The following LIMK1 variants were observed in gnomAD, a reference collection of about 807,000 sequenced individuals.
LIMK1 encodes the protein LIM motif-containing protein kinase.
Under a neutral mutation model 77.6 loss-of-function variants are expected in LIMK1, and 21 were observed. The observed-to-expected ratio is 0.27, with a 90% CI of 0.19 to 0.39. The LOEUF is 0.39. Among genes scored for constraint, LIMK1 ranks in the 10% least tolerant of loss-of-function variants. LIMK1 has a pLI of 1.00. For missense variants in LIMK1, 696 were observed against 901.6 expected, an observed-to-expected ratio of 0.77 and a Z score of 2.92; for synonymous variants, 358 against 370.0, an observed-to-expected ratio of 0.97 and a Z score of 0.37.
Position 74,121,252 on chromosome 7 carries a change from A to T in LIMK1, c.1895A>T (p.Tyr632Phe). The T allele has an allele frequency of 6.2e-7, 1 of 1,613,170 alleles. No individual in the cohort carries two copies. Among genetic ancestry groups the T allele is most frequent in the Non-Finnish European group, 8.5e-7 (1 of 1,179,858 alleles). ...CTGGACAGAGGTTTCTGGGAGACCTACCGGCGCGGCGAGAGCGGACTGCCT... is the reference window on the plus strand; with the variant it reads ...CTGGACAGAGGTTTCTGGGAGACCTTCCGGCGCGGCGAGAGCGGACTGCCT... ...EQLDRGFWET[Y>F]RRGESGLPAH... Residue 632 changes from tyrosine to phenylalanine, a missense_variant, in exon 16 of 16, where the codon TAC (tyrosine) becomes TTC (phenylalanine). Physicochemically the swap from Tyr to Phe is conservative, Grantham distance 22. Around this residue, in one of 3 missense-constraint regions of LIMK1, gnomAD observed 438 missense variants for 602.3 expected, o/e 0.73. Transcript: ENST00000336180.
rs782185429 is a variant in LIMK1 at position 74,099,115 on chromosome 7, C to T, written c.485C>T (p.Thr162Ile). 1 of 1,613,810 alleles carries T rather than the reference C, an allele frequency of 6.2e-7. No individual in the cohort carries two copies. ...TCCCCTGGCTCCCACCTGCCCCACA[C>T]CGTCACCCTGGTGTCCATCCCAGCC... ...PDSPGSHLPH[T>I]VTLVSIPASS... Residue 162 changes from threonine to isoleucine, a missense_variant, in exon 5 of 16, where the codon ACC becomes ATC. Physicochemically the swap from Thr to Ile is moderately conservative, Grantham distance 89. Coordinates refer to ENST00000336180, the MANE Select transcript of LIMK1 (RefSeq NM_002314.4).
chr7:74,107,280 A>G (rs1554697821), intron 8 of LIMK1, 87 bp downstream of exon 8: 1 of 1,407,638 alleles, frequency 7.1e-7, no homozygotes, highest in African/African-American at 1.4e-5. Flanking sequence ...ACACAGTGGA[A>G]GGGGTATCTG....
At chr7:74,093,269 C>G in intron 2 of LIMK1, 1 of 1,536,026 alleles carries the variant, frequency 6.5e-7, no homozygotes, top group Non-Finnish European at 8.7e-7. Context: ...GCTTCAGCCC[C>G]AAGAAGACGC....
intron 5 of LIMK1, 97 bp from the exon 6 acceptor site, chr7:74,105,778 C>T (rs1187135426): frequency 1.2e-5 from 9 of 765,096 alleles, no homozygotes; most frequent in East Asian, 2.7e-5. Flanking sequence ...TAGAATCCTC[C>T]ACCTGCTCAC....
intron 13 of LIMK1, among the ~76,000 whole-genome samples, chr7:74,117,943 A>G (rs1236052058): frequency 6.6e-6 from 1 of 151,876 alleles, no homozygotes; most frequent in Admixed American, 6.6e-5. Context: ...CGCTGTCTCT[A>G]CTGAAAATAC....
At chr7:74,098,354 A>T (rs1554696011) in intron 4 of LIMK1, among the ~76,000 whole-genome samples, 1 of 152,158 alleles carries the variant, frequency 6.6e-6, no homozygotes, top group Non-Finnish European at 1.5e-5. Context: ...TACAACACTG[A>T]TCAAGCTGGA....
intron 2 of LIMK1, among the ~76,000 whole-genome samples, chr7:74,090,679 G>T (rs991825698): frequency 6.6e-6 from 1 of 152,158 alleles, no homozygotes; most frequent in Non-Finnish European, 1.5e-5. Flanking sequence ...TTGTTCCAGG[G>T]CCCCTCACCC....
At chr7:74,084,767 TC>T (rs1554693821) in intron 1 of LIMK1, among the ~76,000 whole-genome samples, 1 of 151,738 alleles carries the variant, frequency 6.6e-6, no homozygotes, top group African/African-American at 2.4e-5. Context: ...GTTCAAGGAC[TC>T]CCCCAGCCTA....
At chr7:74,086,769 G>C (rs1396428060) in intron 2 of LIMK1, among the ~76,000 whole-genome samples, 1 of 152,128 alleles carries the variant, frequency 6.6e-6, no homozygotes, top group Non-Finnish European at 1.5e-5. Context: ...CAGACAGGGG[G>C]AAGAGTTGGA....
intron 13 of LIMK1, among the ~76,000 whole-genome samples, chr7:74,118,880 ATTTTGTTTTTTGTTTTTTGTT>A (rs200172259): frequency 1.3e-5 from 2 of 151,922 alleles, no homozygotes; most frequent in African/African-American, 4.8e-5. Flanking sequence ...TGTTTCGGGT[ATTTTGTTTTTTGTTTTTTGTT>A]TTTTGTTTTT....
chr7:74,114,382 C>G (rs189838547), intron 12 of LIMK1, among the ~76,000 whole-genome samples: 2 of 151,586 alleles, frequency 1.3e-5, no homozygotes, highest in Non-Finnish European at 2.9e-5. Flanking sequence ...AAAAATTTGT[C>G]TCTACAAAAA....
At chr7:74,091,203 C>A (rs1799227912) in intron 2 of LIMK1, among the ~76,000 whole-genome samples, 1 of 151,568 alleles carries the variant, frequency 6.6e-6, no homozygotes, top group Non-Finnish European at 1.5e-5. Flanking sequence ...GGATTACAGG[C>A]GTGAGCCACC....
chr7:74,114,729 C>G (rs1554699121), intron 12 of LIMK1, among the ~76,000 whole-genome samples: 1 of 150,818 alleles, frequency 6.6e-6, no homozygotes. Flanking sequence ...TCCTGGCTAA[C>G]ACGGTGAAAC....
At chr7:74,090,067 C>T (rs1029477712) in intron 2 of LIMK1, among the ~76,000 whole-genome samples, 2 of 151,966 alleles carry the variant, frequency 1.3e-5, no homozygotes, top group Admixed American at 6.6e-5. Flanking sequence ...TTGTGCTGTC[C>T]CTGGTGTAGT....
rs55661242 is a variant in LIMK1, at chr7:74,106,102, G to A, written c.740G>A (p.Ser247Asn). ...ATTGACCTGCTGATTCAGGAAACCA[G>A]CCGCCTGCTCCAGCTGACCCTCGAG... Reference protein sequence around the residue: ...DEIDLLIQETSRLLQLTLEHD... With the variant: ...DEIDLLIQETNRLLQLTLEHD... Residue 247 changes from serine (S) to asparagine (N), a missense_variant, in exon 7 of 16, where the codon AGC (serine) becomes AAC (asparagine). Ser to Asn is a conservative substitution (Grantham distance 46, BLOSUM62 1). This residue lies in a region of LIMK1 where 438 missense variants were observed against 602.3 expected (regional missense o/e 0.73). Transcript: ENST00000336180. The A allele has an allele frequency of 5.0e-6, 8 of 1,614,064 alleles. No individual in the cohort carries two copies. Among genetic ancestry groups the A allele is most frequent in the Admixed American group, 1.7e-5 (1 of 60,014 alleles).
At chr7:74,095,108 G>A (rs1321284614) in intron 2 of LIMK1, among the ~76,000 whole-genome samples, 1 of 152,158 alleles carries the variant, frequency 6.6e-6, no homozygotes, top group Non-Finnish European at 1.5e-5. Context: ...GCCCATGAGT[G>A]ATACCCATGC....
intron 12 of LIMK1, among the ~76,000 whole-genome samples, chr7:74,113,669 C>G (rs1381741390): frequency 4.0e-5 from 6 of 151,742 alleles, no homozygotes; most frequent in African/African-American, 1.2e-4. Flanking sequence ...GACAAGAGAC[C>G]CCCAAACTGA....
chr7:74,114,764 A>C (rs1799773246), intron 12 of LIMK1, among the ~76,000 whole-genome samples: 1 of 151,510 alleles, frequency 6.6e-6, no homozygotes, highest in African/African-American at 2.4e-5. Flanking sequence ...AAATACAAAA[A>C]ATTAGCTGGG....
chr7:74,119,986 C>T (rs983463328), intron 13 of LIMK1, among the ~76,000 whole-genome samples: 17 of 152,288 alleles, frequency 1.1e-4, no homozygotes, highest in Admixed American at 7.2e-4. Flanking sequence ...GGCTGCGCTC[C>T]CTCCAGGGCG....
Sources: gnomAD v4.1 joint callset for allele counts (sites outside exome capture counted in the v4.1 genomes callset) on GRCh38, gnomAD v4.1.1 for gene constraint, gnomAD v4.1.1 regional missense constraint, MANE v1.5 for transcripts, NCBI Gene and HGNC (gene_info 2026-07-23, HGNC 2026-07-21) for gene names.